Variants in PLCB1 observed in about 807,000 individuals in gnomAD.
The protein encoded by PLCB1 is phospholipase C beta 1, also known as 1-phosphatidylinositol 4,5-bisphosphate phosphodiesterase beta-1.
Under a neutral mutation model 161.8 loss-of-function variants are expected in PLCB1, and 46 were observed. That is an observed-to-expected ratio of 0.28 (90% confidence interval 0.22 to 0.36). The LOEUF is 0.36. Among genes scored for constraint, PLCB1 ranks in the 10% least tolerant of loss-of-function variants. The pLI is 1.00. For missense variants in PLCB1, 1,016 were observed against 1,472.5 expected (o/e 0.69, Z 5.07); for synonymous variants, 517 against 503.7 (o/e 1.03, Z -0.35).
chr20:8,508,553 A>G (rs956669611), intron 3 of PLCB1, among the ~76,000 whole-genome samples: 2 of 152,160 alleles, frequency 1.3e-5, no homozygotes, highest in African/African-American at 2.4e-5. Flanking sequence ...AAACTCTTGT[A>G]TATGTAATAC....
At chr20:8,574,894 A>T (rs1389187773) in intron 3 of PLCB1, among the ~76,000 whole-genome samples, 1 of 152,250 alleles carries the variant, frequency 6.6e-6, no homozygotes, top group East Asian at 1.9e-4. Context: ...GCTGATAGTT[A>T]GAAGTCGAGT....
intron 27 of PLCB1, among the ~76,000 whole-genome samples, chr20:8,782,821 G>A (rs2146213370): frequency 6.6e-6 from 1 of 152,314 alleles, no homozygotes. Flanking sequence ...GAAGGGAAAG[G>A]AAGATGTGTT....
chr20:8,639,357 A>T (rs1044565882), intron 4 of PLCB1, among the ~76,000 whole-genome samples: 6 of 152,150 alleles, frequency 3.9e-5, no homozygotes, highest in Admixed American at 3.9e-4. Context: ...CCCTTTCCTC[A>T]TTGTTGCTTA....
At chr20:8,577,382 G>A (rs1375436932) in intron 3 of PLCB1, among the ~76,000 whole-genome samples, 2 of 149,532 alleles carry the variant, frequency 1.3e-5, no homozygotes, top group Non-Finnish European at 3.0e-5. Flanking sequence ...AGCTTGCAGT[G>A]AGCCGAGGTC....
chr20:8,338,573 T>G (rs747698824), intron 2 of PLCB1, among the ~76,000 whole-genome samples: 69 of 152,312 alleles, frequency 4.5e-4, no homozygotes, highest in Admixed American at 8.5e-4. Flanking sequence ...AGAGGTATTT[T>G]TTACCCAGCT....
At chr20:8,229,924 C>T (rs1038855999) in intron 2 of PLCB1, among the ~76,000 whole-genome samples, 1 of 149,316 alleles carries the variant, frequency 6.7e-6, no homozygotes, top group African/African-American at 2.5e-5. Flanking sequence ...GATATGGGGA[C>T]ACACACTTGT....
intron 10 of PLCB1, among the ~76,000 whole-genome samples, chr20:8,694,562 CACA>C (rs1298936479): frequency 1.3e-5 from 2 of 152,136 alleles, no homozygotes; most frequent in Non-Finnish European, 2.9e-5. Context: ...TAAAAATATT[CACA>C]AGAAAATCTA....
At chr20:8,340,031 A>G (rs767455129) in intron 2 of PLCB1, among the ~76,000 whole-genome samples, 2 of 152,242 alleles carry the variant, frequency 1.3e-5, no homozygotes, top group South Asian at 2.1e-4. Flanking sequence ...GGCTCAGCAC[A>G]TAGCATGTGC....
intron 4 of PLCB1, among the ~76,000 whole-genome samples, chr20:8,632,035 C>CTTTTTTTTTTGT (rs1988608621): frequency 2.6e-4 from 12 of 45,966 alleles, no homozygotes; most frequent in African/African-American, 1.2e-3. Context: ...GTTTTTTTTG[C>CTTTTTTTTTTGT]TTTTTTTTTT....
chr20:8,369,581 C>T (rs1455456138), intron 2 of PLCB1, among the ~76,000 whole-genome samples: 1 of 152,164 alleles, frequency 6.6e-6, no homozygotes, highest in Admixed American at 6.5e-5. Flanking sequence ...ATAAGGTAAC[C>T]TCCAATATTG....
chr20:8,494,938 A>T, intron 3 of PLCB1, among the ~76,000 whole-genome samples: 1 of 152,162 alleles, frequency 6.6e-6, no homozygotes, highest in Admixed American at 6.5e-5. Context: ...AAGGCTAAAC[A>T]TCATGTCCTT....
intron 7 of PLCB1, among the ~76,000 whole-genome samples, chr20:8,655,459 C>T (rs2123313700): frequency 6.6e-6 from 1 of 152,136 alleles, no homozygotes; most frequent in South Asian, 2.1e-4. Flanking sequence ...GAGCACAATA[C>T]ATTGAGTGTT....
chr20:8,401,303 C>T (rs912284330), intron 3 of PLCB1, among the ~76,000 whole-genome samples: 2 of 152,016 alleles, frequency 1.3e-5, no homozygotes, highest in Admixed American at 6.6e-5. Context: ...TTTAATTTGA[C>T]CTTGTAGAAT....
At chr20:8,499,067 A>C (rs1006944) in intron 3 of PLCB1, among the ~76,000 whole-genome samples, 2,216 of 152,346 alleles carry the variant, frequency 0.015, 45 homozygotes, top group African/African-American at 0.051. Context: ...GATTCTTTCT[A>C]TCACTGGAGT....
At chr20:8,530,644 G>A (rs189792799) in intron 3 of PLCB1, among the ~76,000 whole-genome samples, 112 of 152,008 alleles carry the variant, frequency 7.4e-4, no homozygotes, top group African/African-American at 2.3e-3. Context: ...CATGTACTTC[G>A]ACATGTATAT....
At chr20:8,824,328 C>T (rs1489616290) in intron 31 of PLCB1, among the ~76,000 whole-genome samples, 6 of 152,058 alleles carry the variant, frequency 3.9e-5, no homozygotes, top group Non-Finnish European at 5.9e-5. Context: ...GACCCCAGAA[C>T]CTGTTCTCAG....
chr20:8,260,070 T>C (rs1981616844), intron 2 of PLCB1, among the ~76,000 whole-genome samples: 1 of 152,042 alleles, frequency 6.6e-6, no homozygotes, highest in Non-Finnish European at 1.5e-5. Context: ...ACATTCTTTT[T>C]CTTTTCATTT....
chr20:8,291,297 C>T (rs1177166598), intron 2 of PLCB1, among the ~76,000 whole-genome samples: 3 of 152,138 alleles, frequency 2.0e-5, no homozygotes, highest in African/African-American at 7.2e-5. Context: ...ACAACACAGG[C>T]TTTCTTGCCA....
chr20:8,324,411 A>G (rs559830882), intron 2 of PLCB1, among the ~76,000 whole-genome samples: 1 of 152,346 alleles, frequency 6.6e-6, no homozygotes, highest in Non-Finnish European at 1.5e-5. Flanking sequence ...TAGGCTTTGT[A>G]TAGAGAGAGT....
Sources: allele counts gnomAD v4.1 joint callset (sites outside exome capture counted in the v4.1 genomes callset), GRCh38; gene constraint gnomAD v4.1.1; transcripts MANE v1.5; gene names NCBI Gene and HGNC (gene_info 2026-07-23, HGNC 2026-07-21).